Variants in DLG2 observed in about 807,000 individuals in gnomAD.
The protein encoded by DLG2 is discs large MAGUK scaffold protein 2.
A neutral mutation model predicts 132.5 loss-of-function variants in DLG2; 45 were observed. The observed-to-expected ratio is 0.34, with a 90% CI of 0.27 to 0.44. The LOEUF (loss-of-function observed/expected upper bound fraction) is 0.44. DLG2 is among the 20% of genes least tolerant of loss of function. The pLI, the probability that DLG2 is intolerant of heterozygous loss-of-function variation, is 1.00. For synonymous variants in DLG2, 424 were observed against 419.6 expected (o/e 1.01, Z -0.13); for missense variants, 1,045 against 1,196.9 (o/e 0.87, Z 1.87).
At chr11:84,839,775 C>G (rs1418216838) in intron 6 of DLG2, among the ~76,000 whole-genome samples, 1 of 152,156 alleles carries the variant, frequency 6.6e-6, no homozygotes, top group Non-Finnish European at 1.5e-5. Flanking sequence ...GCTGGGAAAA[C>G]TGGCTACCCA....
intron 6 of DLG2, among the ~76,000 whole-genome samples, chr11:84,789,873 A>G (rs1449664082): frequency 6.6e-6 from 1 of 152,138 alleles, no homozygotes; most frequent in Admixed American, 6.5e-5. Flanking sequence ...CACTTAATAT[A>G]ATGACCTCCA....
Position 84,788,100 on chromosome 11 carries a change from CAAAAAAAAAAAA to C in DLG2, c.358-253381_358-253370del, listed in dbSNP as rs139086655. Among the ~76,000 whole-genome samples the C allele has an allele frequency of 3.3e-4, 15 of 45,666 alleles. No homozygotes were observed. The East Asian group carries it at 0.012, about 36-fold the overall frequency. The allele number at this position is 45,666 out of a possible 152,430, so 30.0% of individuals were successfully genotyped here. On this transcript the variant is annotated intron_variant, in intron 6 of 27. Transcript: ENST00000376104. ...TGGGTGACAGAGTGTGAATATGTCT[CAAAAAAAAAAAA>C]AAAAAAAAAAAAAGAAGAAGAAGAA...
chr11:84,589,324 C>T (rs1054147413), intron 6 of DLG2, among the ~76,000 whole-genome samples: 7 of 152,100 alleles, frequency 4.6e-5, no homozygotes, highest in African/African-American at 1.4e-4. Flanking sequence ...ATGATTTCTA[C>T]ACCCTAAGTG....
At chr11:84,091,427 T>C (rs2097092681) in intron 10 of DLG2, among the ~76,000 whole-genome samples, 1 of 152,192 alleles carries the variant, frequency 6.6e-6, no homozygotes. Context: ...TCCCTTTTAC[T>C]GGCGTGGGTC....
intron 21 of DLG2, among the ~76,000 whole-genome samples, chr11:83,491,049 T>C (rs998973809): frequency 6.6e-6 from 1 of 151,854 alleles, no homozygotes; most frequent in Non-Finnish European, 1.5e-5. Flanking sequence ...AGAAAAAAGA[T>C]GAATTGTAAA....
intron 4 of DLG2, among the ~76,000 whole-genome samples, chr11:85,194,151 G>A (rs568701346): frequency 1.4e-4 from 22 of 152,322 alleles, no homozygotes; most frequent in Non-Finnish European, 2.8e-4. Context: ...CAAACTCCTG[G>A]CTACTTTCCT....
chr11:85,258,298 T>C (rs1023361599), intron 4 of DLG2, among the ~76,000 whole-genome samples: 1 of 152,192 alleles, frequency 6.6e-6, no homozygotes, highest in Admixed American at 6.5e-5. Flanking sequence ...TTGAAAAGAA[T>C]AATCTTGTGG....
intron 8 of DLG2, among the ~76,000 whole-genome samples, chr11:84,190,456 T>A (rs570946281): frequency 6.6e-6 from 1 of 152,172 alleles, no homozygotes; most frequent in East Asian, 1.9e-4. Context: ...TTTCCCCCTC[T>A]AGAATTGTTA....
intron 7 of DLG2, among the ~76,000 whole-genome samples, chr11:84,452,577 G>T (rs2099054636): frequency 6.6e-6 from 1 of 151,694 alleles, no homozygotes; most frequent in African/African-American, 2.4e-5. Flanking sequence ...TTTAAAAAGT[G>T]GTTGGGTTCT....
chr11:84,823,960 T>C (rs2153985801), intron 6 of DLG2, among the ~76,000 whole-genome samples: 1 of 152,042 alleles, frequency 6.6e-6, no homozygotes, highest in Non-Finnish European at 1.5e-5. Flanking sequence ...GATTACTATG[T>C]TCTAGGCATT....
rs187380188 is a variant in DLG2, at chr11:85,215,057, C to T, written c.187-60406G>A. On this transcript the variant is annotated intron_variant, in intron 4 of 27. Transcript: ENST00000376104. ...TTCATACCAGTGACTAAGTTAAGAA[C>T]GTGATTGCTTTTGAAAGAAACTGAA... Among the ~76,000 whole-genome samples, 714 of 152,180 alleles carry T rather than the reference C, an allele frequency of 4.7e-3. 5 individuals carry two copies. The highest frequency in any genetic ancestry group is 0.016 in the African/African-American group (653 of 41,528).
chr11:84,058,212 C>A (rs547491749), intron 11 of DLG2, among the ~76,000 whole-genome samples: 6 of 151,938 alleles, frequency 3.9e-5, no homozygotes, highest in African/African-American at 1.5e-4. Context: ...ATGATTTACT[C>A]AAAGAGTACA....
At chr11:85,540,887 G>A (rs143600888) in intron 3 of DLG2, among the ~76,000 whole-genome samples, 9 of 152,350 alleles carry the variant, frequency 5.9e-5, no homozygotes, top group South Asian at 2.1e-4. Context: ...CACGCCCTGC[G>A]AGGAGGATAA....
intron 11 of DLG2, among the ~76,000 whole-genome samples, chr11:84,054,086 T>C (rs999691661): frequency 9.2e-5 from 14 of 152,090 alleles, no homozygotes; most frequent in African/African-American, 3.1e-4. Context: ...TGGATATCAA[T>C]TAATAAAACT....
intron 6 of DLG2, among the ~76,000 whole-genome samples, chr11:84,548,616 AT>A (rs2099395473): frequency 6.6e-6 from 1 of 152,150 alleles, no homozygotes; most frequent in African/African-American, 2.4e-5. Context: ...TGAACTCAAC[AT>A]TTTTATGGCT....
At chr11:84,824,698 T>A (rs1390660571) in intron 6 of DLG2, among the ~76,000 whole-genome samples, 1 of 151,898 alleles carries the variant, frequency 6.6e-6, no homozygotes, top group African/African-American at 2.4e-5. Context: ...CAGAGGCTCT[T>A]CAGAGTTGCT....
intron 3 of DLG2, among the ~76,000 whole-genome samples, chr11:85,503,492 G>C (rs2093852632): frequency 6.6e-6 from 1 of 152,068 alleles, no homozygotes. Flanking sequence ...CAAAATGTAA[G>C]TTGAAACTTA....
At chr11:83,688,647 A>G (rs550528623) in intron 18 of DLG2, among the ~76,000 whole-genome samples, 1 of 152,336 alleles carries the variant, frequency 6.6e-6, no homozygotes, top group Admixed American at 6.5e-5. Context: ...ACATATAAAC[A>G]TAAGTATATA....
At chr11:85,520,747 G>A (rs1471585757) in intron 3 of DLG2, among the ~76,000 whole-genome samples, 3 of 152,018 alleles carry the variant, frequency 2.0e-5, no homozygotes, top group Non-Finnish European at 2.9e-5. Context: ...AAGATGCCAA[G>A]AACATACACT....
Sources: allele counts gnomAD v4.1 joint callset (sites outside exome capture counted in the v4.1 genomes callset), GRCh38; gene constraint gnomAD v4.1.1; transcripts MANE v1.5; gene names NCBI Gene and HGNC (gene_info 2026-07-23, HGNC 2026-07-21).